The following CPVL variants were observed in gnomAD, a reference collection of about 807,000 sequenced individuals.
The protein encoded by CPVL is carboxypeptidase vitellogenic like, also known as probable serine carboxypeptidase CPVL.
In CPVL, 51 loss-of-function variants were observed where a neutral mutation model predicts 63.7. The ratio of observed to expected loss-of-function variants is 0.80; its 90% CI spans 0.64 to 1.01. The LOEUF (loss-of-function observed/expected upper bound fraction) is 1.01. Among genes scored for constraint, CPVL ranks in the 50% least tolerant of loss-of-function variants. The probability of loss-of-function intolerance (pLI) is 0.00; values close to 1 mark genes in which losing one functional copy is unlikely to be tolerated. For missense variants in CPVL, 530 were observed against 573.1 expected, an observed-to-expected ratio of 0.92 and a Z score of 0.77; for synonymous variants, 195 against 206.0, an observed-to-expected ratio of 0.95 and a Z score of 0.46.
At chr7:29,167,972 G>C (rs1394851444) in intron 5 of CPVL, among the ~76,000 whole-genome samples, 4 of 152,196 alleles carry the variant, frequency 2.6e-5, no homozygotes, top group African/African-American at 9.6e-5. Context: ...CTGGGAACAT[G>C]AGTGATCATA....
chr7:29,194,961 C>A (rs772176032), intron 1 of CPVL: 4 of 1,584,284 alleles, frequency 2.5e-6, no homozygotes, highest in Non-Finnish European at 2.6e-6. Flanking sequence ...TCCAGCAACT[C>A]CAGCCTGTCC....
chr7:29,166,538 T>C (rs1795938624), intron 5 of CPVL, among the ~76,000 whole-genome samples: 1 of 152,170 alleles, frequency 6.6e-6, no homozygotes, highest in South Asian at 2.1e-4. Context: ...TTTAATAACT[T>C]TAATAGCTAT....
At chr7:29,028,754 A>G (rs1415656858) in intron 12 of CPVL, among the ~76,000 whole-genome samples, 1 of 152,142 alleles carries the variant, frequency 6.6e-6, no homozygotes, top group Non-Finnish European at 1.5e-5. Context: ...TCACGAGGTC[A>G]GGAGATCGAG....
intron 11 of CPVL, among the ~76,000 whole-genome samples, chr7:29,044,380 G>A (rs1376513598): frequency 6.6e-6 from 1 of 152,094 alleles, no homozygotes. Context: ...TTATGCCACT[G>A]CACTCCAACC....
upstream of CPVL, chr7:29,146,617 T>C: frequency 6.4e-7 from 1 of 1,550,504 alleles, no homozygotes; most frequent in South Asian, 1.2e-5. Context: ...AAGTGCGTCG[T>C]CGTGTCCCAA....
chr7:29,080,746 G>A (rs1250270099), intron 7 of CPVL, among the ~76,000 whole-genome samples: 1 of 135,898 alleles, frequency 7.4e-6, no homozygotes. Flanking sequence ...AATGGGCCAT[G>A]ATGATTTCAA....
intron 1 of CPVL, among the ~76,000 whole-genome samples, chr7:29,127,158 C>T (rs1424070746): frequency 1.3e-5 from 2 of 152,166 alleles, no homozygotes; most frequent in Non-Finnish European, 2.9e-5. Flanking sequence ...TATAATCTGA[C>T]ACCACAGTCT....
chr7:28,994,990 GCTTAT>G (rs927901111), downstream of CPVL, among the ~76,000 whole-genome samples: 36 of 152,084 alleles, frequency 2.4e-4, no homozygotes, highest in African/African-American at 8.0e-4. Context: ...ATTGATGCCA[GCTTAT>G]CTTAATTTTT....
chr7:29,112,832 GA>G lies in CPVL; in HGVS notation c.170-11del, dbSNP rs5883191. Reference sequence around the variant, plus strand: ...AAACTCAATTCTCTTCCTAGTGGGGGAAAAAAAATTTACCCAAGGATTACAG... The same window carrying G: ...AAACTCAATTCTCTTCCTAGTGGGGGAAAAAAATTTACCCAAGGATTACAG... On this transcript the variant is annotated splice_polypyrimidine_tract_variant and intron_variant, in intron 2 of 12. Coordinates refer to ENST00000265394, the MANE Select transcript of CPVL (RefSeq NM_031311.5). 0.099 allele frequency: 154,593 copies of G among 1,558,670 alleles called. 8,374 individuals carry two copies. The highest frequency in any genetic ancestry group is 0.15 in the African/African-American group (10,891 of 73,214).
intron 12 of CPVL, among the ~76,000 whole-genome samples, chr7:29,013,751 G>C (rs2128136756): frequency 6.6e-6 from 1 of 152,344 alleles, no homozygotes; most frequent in African/African-American, 2.4e-5. Flanking sequence ...TCCACTGCAG[G>C]GAGTGCATTC....
chr7:29,035,467 CAGAA>C, intron 11 of CPVL, among the ~76,000 whole-genome samples: 1 of 152,330 alleles, frequency 6.6e-6, no homozygotes, highest in Admixed American at 6.5e-5. Context: ...ATCTCCGGTT[CAGAA>C]ACAATCTTGC....
chr7:29,018,206 A>G (rs2648655), intron 12 of CPVL, among the ~76,000 whole-genome samples: 69,131 of 151,742 alleles, frequency 0.46, 17,415 homozygotes, highest in African/African-American at 0.68. Flanking sequence ...TTTTTTCAAT[A>G]TTTATATGAA....
At chr7:29,147,051 T>C, upstream of CPVL, 1 of 1,503,950 alleles carries the variant, frequency 6.6e-7, no homozygotes, top group Non-Finnish European at 8.9e-7. Flanking sequence ...TTCTGTACCA[T>C]TATACCCATT....
At chr7:29,123,730 C>T (rs1405245358) in intron 1 of CPVL, among the ~76,000 whole-genome samples, 1 of 119,666 alleles carries the variant, frequency 8.4e-6, no homozygotes, top group South Asian at 2.8e-4. Flanking sequence ...CCCCTGGGGA[C>T]AGAAACAAGA....
intron 1 of CPVL, among the ~76,000 whole-genome samples, chr7:29,131,033 T>G (rs1292704829): frequency 6.6e-6 from 1 of 152,138 alleles, no homozygotes; most frequent in East Asian, 1.9e-4. Context: ...TTTGTTAGTT[T>G]TGCTCAAGTC....
intron 9 of CPVL, among the ~76,000 whole-genome samples, chr7:29,069,315 C>T (rs1250906136): frequency 6.6e-6 from 1 of 151,726 alleles, no homozygotes; most frequent in South Asian, 2.1e-4. Flanking sequence ...GTGGCGAGTG[C>T]CTGTAATCCC....
intron 12 of CPVL, among the ~76,000 whole-genome samples, chr7:29,027,096 C>G (rs1211718329): frequency 6.6e-6 from 1 of 152,080 alleles, no homozygotes; most frequent in African/African-American, 2.4e-5. Context: ...CAACAAAATA[C>G]TAGCAAACAG....
At chr7:29,054,069 C>CACAAAACAAA (rs767939905) in intron 11 of CPVL, among the ~76,000 whole-genome samples, 1 of 151,872 alleles carries the variant, frequency 6.6e-6, no homozygotes, top group African/African-American at 2.4e-5. Context: ...AAGATCCTGT[C>CACAAAACAAA]ACAAAACAAA....
At chr7:29,152,439 T>C (rs1431571576) in intron 5 of CPVL, among the ~76,000 whole-genome samples, 1 of 152,158 alleles carries the variant, frequency 6.6e-6, no homozygotes, top group Non-Finnish European at 1.5e-5. Flanking sequence ...TAAATCTTTC[T>C]TGCTTTCCTC....
Sources: allele counts gnomAD v4.1 joint callset (sites outside exome capture counted in the v4.1 genomes callset), GRCh38; gene constraint gnomAD v4.1.1; transcripts MANE v1.5; gene names NCBI Gene and HGNC (gene_info 2026-07-23, HGNC 2026-07-21).